Variants in DOCK1 observed in about 807,000 individuals in gnomAD.
The protein encoded by DOCK1 is dedicator of cytokinesis protein 1.
DOCK1 carries 138 observed loss-of-function variants against 262.7 expected under a neutral mutation model. The observed-to-expected ratio is 0.53, with a 90% CI of 0.46 to 0.61. The LOEUF (loss-of-function observed/expected upper bound fraction) is 0.61, where lower values mean the gene tolerates loss of function less well. DOCK1 is among the 20% of genes least tolerant of loss of function. DOCK1 has a pLI of 0.00. For synonymous variants in DOCK1, 866 were observed against 867.4 expected, an observed-to-expected ratio of 1.00 and a Z score of 0.03; for missense variants, 1,908 against 2,370.7, an observed-to-expected ratio of 0.80 and a Z score of 4.05.
intron 27 of DOCK1, among the ~76,000 whole-genome samples, chr10:127,222,947 G>A (rs1394655162): frequency 2.0e-5 from 3 of 152,120 alleles, no homozygotes; most frequent in Non-Finnish European, 4.4e-5. Flanking sequence ...CAAATTCTGA[G>A]ATTATAGGTG....
chr10:127,160,250 A>G lies in DOCK1; in HGVS notation c.2847+32486A>G, dbSNP rs148004919. Among the ~76,000 whole-genome samples, 611 of 152,336 alleles carry G rather than the reference A, an allele frequency of 4.0e-3. 1 individual carries two copies. Among genetic ancestry groups the G allele is most frequent in the Admixed American group, 7.2e-3 (110 of 15,306 alleles). On this transcript the variant is annotated intron_variant, in intron 27 of 51. Transcript: ENST00000623213. Reference sequence around the variant, plus strand: ...GTGGAAACTAATTTTACAGTACCTAATAGTAATTACAGTACTAGTATTGGG... The same window carrying G: ...GTGGAAACTAATTTTACAGTACCTAGTAGTAATTACAGTACTAGTATTGGG...
intron 29 of DOCK1, among the ~76,000 whole-genome samples, chr10:127,308,466 G>T (rs2061952965): frequency 6.6e-6 from 1 of 152,150 alleles, no homozygotes; most frequent in Non-Finnish European, 1.5e-5. Flanking sequence ...AGTTCAGAAG[G>T]TGCAGGTTTG....
chr10:127,441,934 C>A (rs1262477039), intron 49 of DOCK1, among the ~76,000 whole-genome samples: 2 of 152,104 alleles, frequency 1.3e-5, no homozygotes, highest in South Asian at 2.1e-4. Flanking sequence ...ATGTGCCCTC[C>A]CTGGGATGCA....
At chr10:127,178,553 T>A (rs1271226540) in intron 27 of DOCK1, among the ~76,000 whole-genome samples, 1 of 152,180 alleles carries the variant, frequency 6.6e-6, no homozygotes, top group South Asian at 2.1e-4. Flanking sequence ...GCATTAGCCC[T>A]TGCACCTCTG....
At chr10:126,916,318 T>C (rs1047343439) in intron 1 of DOCK1, among the ~76,000 whole-genome samples, 1 of 152,228 alleles carries the variant, frequency 6.6e-6, no homozygotes, top group Non-Finnish European at 1.5e-5. Flanking sequence ...TAACTTCTTA[T>C]AGAGAAAATA....
At chr10:127,198,541 G>A (rs2057315768) in intron 27 of DOCK1, among the ~76,000 whole-genome samples, 1 of 152,186 alleles carries the variant, frequency 6.6e-6, no homozygotes. Context: ...ACAGCTCCAA[G>A]GACAGTGCTA....
Position 127,445,582 on chromosome 10 carries a change from C to T in DOCK1, c.5413+1303C>T, listed in dbSNP as rs1009803704. Reference sequence around the variant, plus strand: ...AAAACAGACACCATCACTGCTGCTGCGGAAAACAATTTAGTGGTTCCTCCA... The same window carrying T: ...AAAACAGACACCATCACTGCTGCTGTGGAAAACAATTTAGTGGTTCCTCCA... On this transcript the variant is annotated intron_variant, in intron 50 of 51. Coordinates refer to ENST00000623213, the MANE Select transcript of DOCK1 (RefSeq NM_001290223.2). Among the ~76,000 whole-genome samples, 6 of 152,284 alleles carry T rather than the reference C, an allele frequency of 3.9e-5. No homozygotes were observed. The South Asian group carries it at 6.2e-4, about 16-fold the overall frequency.
At chr10:127,046,757 C>CAAAAAAAAAAAAAAAAAAAAAA (rs5788823) in intron 21 of DOCK1, among the ~76,000 whole-genome samples, 1 of 73,348 alleles carries the variant, frequency 1.4e-5, no homozygotes. Context: ...CACTACGTCT[C>CAAAAAAAAAAAAAAAAAAAAAA]AAAAAAAAAA....
chr10:126,952,918 GTTA>G (rs2036422544), intron 1 of DOCK1, among the ~76,000 whole-genome samples: 3 of 53,682 alleles, frequency 5.6e-5, no homozygotes, highest in Admixed American at 2.2e-4. Context: ...TGATAGTATT[GTTA>G]TTGTTGGTAG....
chr10:127,251,663 A>G (rs1287229451), intron 28 of DOCK1, among the ~76,000 whole-genome samples: 1 of 150,652 alleles, frequency 6.6e-6, no homozygotes, highest in Non-Finnish European at 1.5e-5. Flanking sequence ...TAGTTTACTG[A>G]GAATGATGAT....
At chr10:126,911,140 G>A (rs1294988745) in intron 1 of DOCK1, among the ~76,000 whole-genome samples, 1 of 152,188 alleles carries the variant, frequency 6.6e-6, no homozygotes, top group Admixed American at 6.5e-5. Flanking sequence ...TGGAGTAACT[G>A]TGCCAGTTCA....
intron 27 of DOCK1, among the ~76,000 whole-genome samples, chr10:127,164,195 T>C (rs1328213315): frequency 3.1e-5 from 2 of 63,726 alleles, no homozygotes; most frequent in Admixed American, 3.8e-4. Context: ...TTTTTTTTTT[T>C]TTTTTTGAGA....
intron 27 of DOCK1, among the ~76,000 whole-genome samples, chr10:127,147,617 C>A (rs2052016441): frequency 6.6e-6 from 1 of 152,144 alleles, no homozygotes; most frequent in Non-Finnish European, 1.5e-5. Flanking sequence ...CCCAGTCTCC[C>A]AGGGCCTGGT....
intron 27 of DOCK1, among the ~76,000 whole-genome samples, chr10:127,138,186 A>T (rs2050872237): frequency 6.6e-6 from 1 of 152,220 alleles, no homozygotes. Flanking sequence ...GCTCCCGTGA[A>T]ATAGTTCAAG....
At chr10:127,311,415 A>G (rs915252365) in intron 29 of DOCK1, among the ~76,000 whole-genome samples, 21 of 152,198 alleles carry the variant, frequency 1.4e-4, no homozygotes, top group Admixed American at 1.1e-3. Flanking sequence ...TATGCAGTAC[A>G]CTTAGGGCAT....
intron 27 of DOCK1, among the ~76,000 whole-genome samples, chr10:127,229,317 C>T (rs562644271): frequency 6.6e-6 from 1 of 152,218 alleles, no homozygotes; most frequent in African/African-American, 2.4e-5. Flanking sequence ...CTGAAGTCAC[C>T]GTGATGTAGA....
intron 29 of DOCK1, among the ~76,000 whole-genome samples, chr10:127,324,146 C>T (rs1001425411): frequency 7.9e-5 from 12 of 152,180 alleles, no homozygotes; most frequent in African/African-American, 2.4e-4. Flanking sequence ...CAGGAGCCCA[C>T]GGTGGGGGAG....
intron 29 of DOCK1, among the ~76,000 whole-genome samples, chr10:127,258,791 G>A (rs945463397): frequency 3.3e-5 from 5 of 152,212 alleles, no homozygotes; most frequent in Admixed American, 2.0e-4. Context: ...AGCCTTTGCC[G>A]TTGACACTGT....
chr10:127,284,332 T>C (rs1423016925), intron 29 of DOCK1, among the ~76,000 whole-genome samples: 1 of 152,220 alleles, frequency 6.6e-6, no homozygotes, highest in Non-Finnish European at 1.5e-5. Context: ...TCTTTCCATC[T>C]TTTTTAATGA....
Sources: gnomAD v4.1 joint callset for allele counts (sites outside exome capture counted in the v4.1 genomes callset) on GRCh38, gnomAD v4.1.1 for gene constraint, MANE v1.5 for transcripts, NCBI Gene and HGNC (gene_info 2026-07-23, HGNC 2026-07-21) for gene names.